HDAC9: variants seen among roughly 807,000 people sequenced by gnomAD.
HDAC9 encodes the protein MEF-2 interacting transcription repressor (MITR) protein.
Under a neutral mutation model 139.4 loss-of-function variants are expected in HDAC9, and 41 were observed. That is an observed-to-expected ratio of 0.29 (90% CI 0.23 to 0.38). The LOEUF is 0.38. Ranked by LOEUF, HDAC9 falls within the 10% of genes least tolerant of loss-of-function variation. The pLI is 1.00. For synonymous variants in HDAC9, 517 were observed against 476.2 expected (o/e 1.09, Z -1.12); for missense variants, 1,147 against 1,297.0 (o/e 0.88, Z 1.78).
chr7:18,594,651 A>G (rs1215908914), intron 6 of HDAC9, among the ~76,000 whole-genome samples: 1 of 151,948 alleles, frequency 6.6e-6, no homozygotes, highest in African/African-American at 2.4e-5. Flanking sequence ...GGCTCTAAGG[A>G]TTGTATTTGC....
At chr7:18,590,617 A>G in intron 4 of HDAC9, 131 bp downstream of exon 4, 1 of 917,388 alleles carries the variant, frequency 1.1e-6, no homozygotes, top group Non-Finnish European at 1.6e-6. Flanking sequence ...AGCATAGATT[A>G]CAGACCCAAC....
chr7:18,129,383 G>A (rs1159143415), intron 1 of HDAC9, among the ~76,000 whole-genome samples: 6 of 152,014 alleles, frequency 3.9e-5, no homozygotes, highest in Non-Finnish European at 8.8e-5. Context: ...CATTGAGAGA[G>A]GACCTTGTTT....
Position 18,898,102 on chromosome 7 carries a change from T to A in HDAC9, c.2803+23506T>A, listed in dbSNP as rs186324263. Among the ~76,000 whole-genome samples the A allele has an allele frequency of 2.3e-3, 348 of 152,100 alleles. 3 individuals are homozygous for A. Among genetic ancestry groups the A allele is most frequent in the African/African-American group, 8.0e-3 (334 of 41,570 alleles). ...ACCTTGTAAAGCACCATTTTAGACA[T>A]TTCTTGGTGGAATTATTTCTTAATG... On this transcript the variant is annotated intron_variant, in intron 22 of 25. Transcript: ENST00000686413.
chr7:18,428,130 A>AT (rs1467404758), intron 1 of HDAC9, among the ~76,000 whole-genome samples: 1 of 152,158 alleles, frequency 6.6e-6, no homozygotes, highest in Non-Finnish European at 1.5e-5. Context: ...ATGTACATTC[A>AT]TCTGTCAGTG....
chr7:18,848,943 AT>A (rs2129222096), intron 21 of HDAC9, among the ~76,000 whole-genome samples: 2 of 152,242 alleles, frequency 1.3e-5, no homozygotes, highest in South Asian at 4.1e-4. Context: ...TATTTAATGC[AT>A]TCTTCCTCAA....
intron 22 of HDAC9, among the ~76,000 whole-genome samples, chr7:18,910,374 G>T: frequency 6.6e-6 from 1 of 152,020 alleles, no homozygotes; most frequent in East Asian, 1.9e-4. Flanking sequence ...TATACAGAAA[G>T]ATTACTGATT....
At chr7:18,286,313 T>C (rs562398498), upstream of HDAC9, among the ~76,000 whole-genome samples, 5 of 151,590 alleles carry the variant, frequency 3.3e-5, no homozygotes, top group East Asian at 7.7e-4. Context: ...CATGGTTCAA[T>C]TAGTCCCTCT....
At chr7:18,886,435 G>T (rs191947917) in intron 22 of HDAC9, among the ~76,000 whole-genome samples, 2 of 152,288 alleles carry the variant, frequency 1.3e-5, no homozygotes, top group Non-Finnish European at 2.9e-5. Context: ...AATGTGTACT[G>T]TATTCCATTA....
At chr7:18,634,276 A>G (rs1381003767) in intron 7 of HDAC9, among the ~76,000 whole-genome samples, 1 of 151,244 alleles carries the variant, frequency 6.6e-6, no homozygotes, top group East Asian at 1.9e-4. Context: ...CATTGTCTTC[A>G]TTACTGTTAT....
At chr7:18,147,834 G>A (rs996587219) in intron 1 of HDAC9, among the ~76,000 whole-genome samples, 2 of 151,544 alleles carry the variant, frequency 1.3e-5, no homozygotes, top group African/African-American at 2.4e-5. Context: ...TATATATGTG[G>A]TATATTATAT....
chr7:18,136,735 C>T (rs1227598416), intron 1 of HDAC9, among the ~76,000 whole-genome samples: 6 of 151,038 alleles, frequency 4.0e-5, no homozygotes, highest in Admixed American at 6.6e-5. Flanking sequence ...AGTCAGGTAG[C>T]GTGATGCCTC....
chr7:18,487,782 TGA>T (rs1796080576), intron 1 of HDAC9, among the ~76,000 whole-genome samples: 1 of 152,066 alleles, frequency 6.6e-6, no homozygotes. Flanking sequence ...AGAATCCTCT[TGA>T]TTTAAATTGG....
chr7:18,162,104 C>G lies in HDAC9; in HGVS notation c.-96-125C>G, dbSNP rs77009212. Reference sequence around the variant, plus strand: ...TTAGAGACCTGTAAGGTTGATATGACTGCCTCAAAGACACATGGTCGCGCT... The same window carrying G: ...TTAGAGACCTGTAAGGTTGATATGAGTGCCTCAAAGACACATGGTCGCGCT... On this transcript the variant is annotated intron_variant, in intron 1 of 12. Coordinates refer to the HDAC9 transcript ENST00000417496. 2,547 of 530,722 alleles carry G rather than the reference C, an allele frequency of 4.8e-3. 52 individuals carry two copies. The highest frequency in any genetic ancestry group is 0.043 in the African/African-American group (2,266 of 52,120). The allele number at this position is 530,722 out of a possible 1,614,324, so 32.9% of individuals were successfully genotyped here.
At chr7:18,562,164 GTTT>G (rs1014744510) in intron 2 of HDAC9, among the ~76,000 whole-genome samples, 11 of 151,856 alleles carry the variant, frequency 7.2e-5, no homozygotes, top group Non-Finnish European at 1.5e-4. Flanking sequence ...TTCTTTGTCT[GTTT>G]TTTAATTGGG....
intron 12 of HDAC9, among the ~76,000 whole-genome samples, chr7:18,676,015 A>C (rs1781481629): frequency 6.6e-6 from 1 of 152,026 alleles, no homozygotes; most frequent in Non-Finnish European, 1.5e-5. Flanking sequence ...AGGATGTATT[A>C]AGAATATGTG....
chr7:18,968,196 G>A (rs1446971682), intron 24 of HDAC9, among the ~76,000 whole-genome samples: 2 of 152,216 alleles, frequency 1.3e-5, no homozygotes, highest in East Asian at 1.9e-4. Context: ...ACTTCAGCAA[G>A]ACAGTTCAAA....
intron 2 of HDAC9, among the ~76,000 whole-genome samples, chr7:18,518,749 C>A (rs889350143): frequency 6.6e-6 from 1 of 152,194 alleles, no homozygotes; most frequent in African/African-American, 2.4e-5. Flanking sequence ...CCAGTAATAG[C>A]CCTGGCTGGC....
intron 1 of HDAC9, among the ~76,000 whole-genome samples, chr7:18,423,704 C>T (rs577873930): frequency 6.6e-6 from 1 of 152,254 alleles, no homozygotes; most frequent in South Asian, 2.1e-4. Context: ...ATTTGTAGTC[C>T]CAAGCTCTTT....
At chr7:18,266,235 G>A (rs535350208) in intron 2 of HDAC9, among the ~76,000 whole-genome samples, 1 of 152,064 alleles carries the variant, frequency 6.6e-6, no homozygotes, top group Non-Finnish European at 1.5e-5. Flanking sequence ...AAGATATCAT[G>A]GTGGCCAACG....
Sources: gnomAD v4.1 joint callset for allele counts (sites outside exome capture counted in the v4.1 genomes callset) on GRCh38, gnomAD v4.1.1 for gene constraint, MANE v1.5 for transcripts, NCBI Gene and HGNC (gene_info 2026-07-23, HGNC 2026-07-21) for gene names.